Variants in EEA1 observed in about 807,000 individuals in gnomAD.
EEA1 encodes early endosome antigen 1, 162kD.
A neutral mutation model predicts 209.2 loss-of-function variants in EEA1; 111 were observed. That is an observed-to-expected ratio of 0.53 (90% CI 0.45 to 0.62). The LOEUF (loss-of-function observed/expected upper bound fraction) is 0.62. Among genes scored for constraint, EEA1 ranks in the 20% least tolerant of loss-of-function variants. The pLI, the probability that EEA1 is intolerant of heterozygous loss-of-function variation, is 0.00. For missense variants in EEA1, 1,343 were observed against 1,530.8 expected (o/e 0.88, Z 2.05); for synonymous variants, 536 against 540.6 (o/e 0.99, Z 0.12).
chr12:92,914,142 C>T (rs540873252), intron 1 of EEA1, among the ~76,000 whole-genome samples: 1 of 152,186 alleles, frequency 6.6e-6, no homozygotes, highest in South Asian at 2.1e-4. Context: ...CCCACCACAC[C>T]CTCAGGTCTC....
Position 92,864,953 on chromosome 12 carries a change from C to T in EEA1, c.152G>A (p.Gly51Glu). 1 of 1,610,618 alleles carries T rather than the reference C, an allele frequency of 6.2e-7. No homozygotes were observed. The highest frequency in any genetic ancestry group is 2.2e-5 in the East Asian group (1 of 44,630). ...FICPQCMKSL[G>E]SADELFKHYE... The stretch of plus-strand genomic sequence containing the variant: ...ATGTTTGAAAAGTTCATCAGCAGAT[C>T]CAAGAGATTTCATACACTGGGGACA... Residue 51 changes from glycine to glutamate, a missense_variant, in exon 3 of 29, where the codon GGA (glycine) becomes GAA (glutamate). By Grantham distance (98) the Gly-to-Glu change is moderately conservative. This residue lies in a region of EEA1 where 1,307 missense variants were observed against 1,465.5 expected (regional missense o/e 0.89). Transcript: ENST00000322349.
chr12:92,887,799 G>A (rs1043961890), intron 2 of EEA1, among the ~76,000 whole-genome samples: 2 of 151,870 alleles, frequency 1.3e-5, no homozygotes, highest in Non-Finnish European at 2.9e-5. Flanking sequence ...ATAAATCGAA[G>A]AGCATCTGTA....
At chr12:92,828,816 A>G (rs1306687444) in intron 11 of EEA1, among the ~76,000 whole-genome samples, 1 of 152,032 alleles carries the variant, frequency 6.6e-6, no homozygotes, top group Non-Finnish European at 1.5e-5. Flanking sequence ...TCTGGCTGTG[A>G]GACACATCTG....
intron 2 of EEA1, among the ~76,000 whole-genome samples, chr12:92,871,461 T>C (rs1878641237): frequency 6.6e-6 from 1 of 152,224 alleles, no homozygotes. Flanking sequence ...ATTTTCATCG[T>C]GCACTTTCTG....
chr12:92,822,707 T>A (rs1426508957), intron 13 of EEA1, among the ~76,000 whole-genome samples: 3 of 152,190 alleles, frequency 2.0e-5, no homozygotes, highest in Non-Finnish European at 4.4e-5. Context: ...CACTATGCTC[T>A]CTCTTCTGGC....
chr12:92,860,504 C>G (rs1008719899), intron 3 of EEA1, among the ~76,000 whole-genome samples: 4 of 152,156 alleles, frequency 2.6e-5, no homozygotes, highest in African/African-American at 9.7e-5. Flanking sequence ...GCCTTAAGTA[C>G]AGTGAAGCTA....
At chr12:92,870,472 T>G (rs374416942) in intron 2 of EEA1, among the ~76,000 whole-genome samples, 5 of 152,246 alleles carry the variant, frequency 3.3e-5, no homozygotes, top group African/African-American at 1.2e-4. Flanking sequence ...ACGTGCAGCC[T>G]CAGATACTGG....
intron 20 of EEA1, 61 bp from the exon 21 acceptor site, chr12:92,799,147 G>C: frequency 7.4e-7 from 1 of 1,355,224 alleles, no homozygotes; most frequent in Non-Finnish European, 9.7e-7. Flanking sequence ...GATGTACTGA[G>C]TAACTAGAAA....
intron 2 of EEA1, among the ~76,000 whole-genome samples, chr12:92,883,034 G>A (rs7960016): frequency 0.96 from 145,890 of 152,336 alleles, 69,907 homozygotes; most frequent in East Asian, 1. Flanking sequence ...ATTCCCACCA[G>A]CAATGTATAA....
At chr12:92,783,916 TAA>T (rs59393966) in intron 22 of EEA1, among the ~76,000 whole-genome samples, 1 of 143,226 alleles carries the variant, frequency 7.0e-6, no homozygotes, top group Non-Finnish European at 1.5e-5. Context: ...AAGTACTCAG[TAA>T]AAAAAAAAAG....
chr12:92,895,181 A>C (rs1879821791), intron 1 of EEA1, among the ~76,000 whole-genome samples: 1 of 82,410 alleles, frequency 1.2e-5, no homozygotes, highest in Non-Finnish European at 2.1e-5. Context: ...TTTGAGACGG[A>C]GTCTCACTCT....
intron 9 of EEA1, among the ~76,000 whole-genome samples, chr12:92,848,225 T>C (rs1426314173): frequency 6.6e-6 from 1 of 150,526 alleles, no homozygotes; most frequent in African/African-American, 2.4e-5. Flanking sequence ...AGAAATACCT[T>C]TTCTAGAAAA....
At position 92,789,244 on chromosome 12, in the gene EEA1, C is replaced by T. The variant is rs28690474; in HGVS notation, c.2968-1195G>A. Reference sequence around the variant, plus strand: ...GGTGGATGTTGCAGTGAGCCGAGATCGCACCACTGCACTCCATCCTGGGCA... The same window carrying T: ...GGTGGATGTTGCAGTGAGCCGAGATTGCACCACTGCACTCCATCCTGGGCA... On this transcript the variant is annotated intron_variant, in intron 21 of 28. Transcript: ENST00000322349. Among the ~76,000 whole-genome samples the T allele has an allele frequency of 1.3e-3, 188 of 147,662 alleles. 1 individual carries two copies. The highest frequency in any genetic ancestry group is 4.6e-3 in the African/African-American group (183 of 39,818).
At chr12:92,928,779 C>T (rs1385080199) in intron 1 of EEA1, among the ~76,000 whole-genome samples, 1 of 151,898 alleles carries the variant, frequency 6.6e-6, no homozygotes, top group Non-Finnish European at 1.5e-5. Context: ...CAGCTCGCAG[C>T]CCGCTCGCAC....
At chr12:92,817,192 T>C (rs368182367) in intron 14 of EEA1, among the ~76,000 whole-genome samples, 40 of 149,156 alleles carry the variant, frequency 2.7e-4, no homozygotes, top group Non-Finnish European at 8.8e-5. Context: ...TACTGTGTTT[T>C]TTTCCCCATC....
intron 1 of EEA1, among the ~76,000 whole-genome samples, chr12:92,899,727 G>A (rs1039687671): frequency 6.6e-6 from 1 of 152,204 alleles, no homozygotes; most frequent in Non-Finnish European, 1.5e-5. Context: ...TTAGGGGAGA[G>A]GGTGCAGTGG....
chr12:92,929,271 G>C lies in EEA1; in HGVS notation c.-205C>G. ...AGCACGCGAGAGAGAGCGAGCGAAC[G>C]ACTAGGCAGCCTGCGAGCGCCTCCA... is the stretch of plus-strand genomic sequence containing the variant. On this transcript the variant is annotated 5_prime_UTR_variant, in exon 1 of 29. Transcript: ENST00000322349. 5.0e-6 allele frequency: 2 copies of C among 396,938 alleles called. No individual in the cohort carries two copies. Among genetic ancestry groups the C allele is most frequent in the Non-Finnish European group, 4.5e-6 (1 of 223,336 alleles). 24.6% of individuals were successfully genotyped at this position (396,938 alleles called of 1,614,324 possible).
At chr12:92,801,889 C>G (rs1430079945) in intron 19 of EEA1, among the ~76,000 whole-genome samples, 188 bp from the exon 20 acceptor site, 1 of 151,786 alleles carries the variant, frequency 6.6e-6, no homozygotes. Flanking sequence ...GGAGGGACAA[C>G]AAAACACTAA....
intron 3 of EEA1, chr12:92,859,414 C>T (rs1878032260): frequency 1.6e-6 from 1 of 608,370 alleles, no homozygotes; most frequent in Non-Finnish European, 3.0e-6. Context: ...TAGTCAATGA[C>T]ATGAATTTTA....
Sources: gnomAD v4.1 joint callset for allele counts (sites outside exome capture counted in the v4.1 genomes callset) on GRCh38, gnomAD v4.1.1 for gene constraint, gnomAD v4.1.1 regional missense constraint, MANE v1.5 for transcripts, NCBI Gene and HGNC (gene_info 2026-07-23, HGNC 2026-07-21) for gene names.